Variants in CCDC178 observed in about 807,000 individuals in gnomAD.
CCDC178 encodes the protein coiled-coil domain containing 178, also known as coiled-coil domain-containing protein 178.
CCDC178 carries 126 observed loss-of-function variants against 117.4 expected under a neutral mutation model. The observed-to-expected ratio is 1.07, with a 90% CI of 0.93 to 1.24. The LOEUF (loss-of-function observed/expected upper bound fraction) is 1.24, where lower values mean the gene tolerates loss of function less well. Ranked by LOEUF, CCDC178 falls within the 50% of genes most tolerant of loss-of-function variation. CCDC178 has a pLI of 0.00. For missense variants in CCDC178, 1,030 were observed against 986.9 expected, an observed-to-expected ratio of 1.04 and a Z score of -0.59; for synonymous variants, 283 against 313.4, an observed-to-expected ratio of 0.90 and a Z score of 1.02.
At chr18:33,236,805 C>T (rs937539778) in intron 15 of CCDC178, among the ~76,000 whole-genome samples, 4 of 152,162 alleles carry the variant, frequency 2.6e-5, no homozygotes, top group African/African-American at 9.7e-5. Context: ...GGCACCTGGC[C>T]TCTGCAGCCC....
intron 21 of CCDC178, among the ~76,000 whole-genome samples, chr18:32,982,526 T>C (rs1050289920): frequency 6.6e-6 from 1 of 152,150 alleles, no homozygotes; most frequent in Non-Finnish European, 1.5e-5. Flanking sequence ...TGTGAAAACA[T>C]ACAACTGCTG....
At chr18:33,349,284 G>T (rs932782781) in intron 7 of CCDC178, among the ~76,000 whole-genome samples, 18 of 151,896 alleles carry the variant, frequency 1.2e-4, no homozygotes, top group African/African-American at 4.3e-4. Flanking sequence ...AGGGTATTCT[G>T]TGAGAATAAT....
intron 20 of CCDC178, among the ~76,000 whole-genome samples, chr18:33,197,820 TG>T (rs1490478494): frequency 2.0e-5 from 3 of 152,230 alleles, no homozygotes; most frequent in Non-Finnish European, 4.4e-5. Flanking sequence ...GTACATTCAT[TG>T]TCTTTTTCCA....
chr18:33,297,045 A>G (rs187115106), intron 11 of CCDC178, among the ~76,000 whole-genome samples: 2 of 152,228 alleles, frequency 1.3e-5, no homozygotes, highest in South Asian at 2.1e-4. Context: ...AAATAAATAA[A>G]TATATAGAAA....
At chr18:32,956,822 A>G (rs918890494) in intron 22 of CCDC178, 1 of 152,216 alleles carries the variant, frequency 6.6e-6, no homozygotes, top group African/African-American at 2.4e-5. Context: ...TGAGATGAGT[A>G]ATTCCCTGCT....
chr18:33,366,877 T>C (rs1177973485), intron 6 of CCDC178, among the ~76,000 whole-genome samples: 1 of 152,016 alleles, frequency 6.6e-6, no homozygotes, highest in African/African-American at 2.4e-5. Flanking sequence ...TTCACATATA[T>C]GTATATACAG....
At chr18:32,987,785 A>C (rs1174554547) in intron 21 of CCDC178, among the ~76,000 whole-genome samples, 1 of 152,206 alleles carries the variant, frequency 6.6e-6, no homozygotes, top group African/African-American at 2.4e-5. Flanking sequence ...CTCCTTAGAC[A>C]TTTATGAGTA....
At chr18:33,024,994 G>A (rs1474189306) in intron 21 of CCDC178, among the ~76,000 whole-genome samples, 1 of 152,098 alleles carries the variant, frequency 6.6e-6, no homozygotes, top group East Asian at 1.9e-4. Flanking sequence ...ACTAAAACTT[G>A]ACAAAGACAG....
intron 3 of CCDC178, among the ~76,000 whole-genome samples, chr18:33,399,937 AT>A (rs1243207786): frequency 6.6e-6 from 1 of 152,150 alleles, no homozygotes; most frequent in African/African-American, 2.4e-5. Flanking sequence ...TATGAAATGC[AT>A]TTTTAACTAA....
chr18:33,026,659 T>C (rs2056235959), intron 21 of CCDC178, among the ~76,000 whole-genome samples: 1 of 151,748 alleles, frequency 6.6e-6, no homozygotes, highest in Non-Finnish European at 1.5e-5. Context: ...TAGCTATGGA[T>C]TGATAACAGA....
intron 14 of CCDC178, among the ~76,000 whole-genome samples, chr18:33,260,425 T>G (rs2059729817): frequency 6.6e-6 from 1 of 151,042 alleles, no homozygotes; most frequent in African/African-American, 2.4e-5. Context: ...TCTATAATTT[T>G]TAATTATTTT....
intron 21 of CCDC178, among the ~76,000 whole-genome samples, chr18:33,064,497 G>A (rs2056978683): frequency 6.6e-6 from 1 of 152,184 alleles, no homozygotes; most frequent in African/African-American, 2.4e-5. Context: ...AACCCAGTCA[G>A]ACAAATCAAA....
At chr18:33,233,192 A>T (rs2059387492) in intron 15 of CCDC178, among the ~76,000 whole-genome samples, 1 of 152,068 alleles carries the variant, frequency 6.6e-6, no homozygotes, top group South Asian at 2.1e-4. Flanking sequence ...TACTTTCTTA[A>T]AGTTGTATTT....
At chr18:33,433,181 T>C (rs373668375) in intron 2 of CCDC178, among the ~76,000 whole-genome samples, 2 of 152,308 alleles carry the variant, frequency 1.3e-5, no homozygotes, top group African/African-American at 4.8e-5. Context: ...TGAAAATTGT[T>C]ACCTAGGGCT....
At chr18:33,276,985 C>T (rs4799685) in intron 12 of CCDC178, among the ~76,000 whole-genome samples, 125,763 of 151,970 alleles carry the variant, frequency 0.83, 52,873 homozygotes, top group South Asian at 0.93. Context: ...TATATTGAAT[C>T]TTAAAGCCAG....
chr18:33,426,186 G>A (rs1019784376), intron 2 of CCDC178, among the ~76,000 whole-genome samples: 1 of 152,194 alleles, frequency 6.6e-6, no homozygotes, highest in Non-Finnish European at 1.5e-5. Flanking sequence ...TGGGATTACA[G>A]GCGTGAGCCA....
At chr18:33,384,472 G>A (rs1441170788) in intron 5 of CCDC178, among the ~76,000 whole-genome samples, 1 of 152,110 alleles carries the variant, frequency 6.6e-6, no homozygotes, top group Non-Finnish European at 1.5e-5. Flanking sequence ...AGAAAGGCAA[G>A]GTCGTCTACA....
intron 22 of CCDC178, among the ~76,000 whole-genome samples, chr18:32,963,507 T>G (rs2054748587): frequency 6.6e-6 from 1 of 152,218 alleles, no homozygotes; most frequent in Non-Finnish European, 1.5e-5. Flanking sequence ...TCATTTCATC[T>G]CTGATGCTCC....
At chr18:33,150,291 A>G (rs985168959) in intron 20 of CCDC178, among the ~76,000 whole-genome samples, 1 of 152,236 alleles carries the variant, frequency 6.6e-6, no homozygotes, top group African/African-American at 2.4e-5. Flanking sequence ...ATTCTAGACA[A>G]TAACACTGAA....
Sources: allele counts gnomAD v4.1 joint callset (sites outside exome capture counted in the v4.1 genomes callset), GRCh38; gene constraint gnomAD v4.1.1; transcripts MANE v1.5; gene names NCBI Gene and HGNC (gene_info 2026-07-23, HGNC 2026-07-21).